The following TOX3 variants were observed in gnomAD, a reference collection of about 807,000 sequenced individuals.
The protein encoded by TOX3 is CAG trinucleotide repeat-containing gene F9 protein.
Under a neutral mutation model 64.3 loss-of-function variants are expected in TOX3, and 22 were observed. The observed-to-expected ratio is 0.34, with a 90% CI of 0.24 to 0.49. TOX3 has a LOEUF of 0.49. TOX3 is among the 20% of genes least tolerant of loss of function. TOX3 has a pLI of 0.99. For missense variants in TOX3, 661 were observed against 714.4 expected (o/e 0.93, Z 0.85); for synonymous variants, 291 against 273.6 (o/e 1.06, Z -0.63).
At chr16:52,522,316 A>T (rs2151479391) in intron 1 of TOX3, among the ~76,000 whole-genome samples, 1 of 152,328 alleles carries the variant, frequency 6.6e-6, no homozygotes, top group African/African-American at 2.4e-5. Flanking sequence ...CCAGATGCAG[A>T]CTTTAGACAG....
At chr16:52,443,207 G>T (rs1175594714) in intron 6 of TOX3, among the ~76,000 whole-genome samples, 2 of 152,144 alleles carry the variant, frequency 1.3e-5, no homozygotes, top group African/African-American at 4.8e-5. Flanking sequence ...CACACAGTCA[G>T]CTGTTTTCTG....
intron 4 of TOX3, among the ~76,000 whole-genome samples, chr16:52,446,886 G>A (rs1304710668): frequency 2.0e-5 from 3 of 152,050 alleles, no homozygotes; most frequent in African/African-American, 7.2e-5. Context: ...AAGGGAAATT[G>A]ATACTCTCCG....
At chr16:52,501,823 C>A (rs1008517388) in intron 1 of TOX3, among the ~76,000 whole-genome samples, 3 of 152,184 alleles carry the variant, frequency 2.0e-5, no homozygotes, top group Non-Finnish European at 4.4e-5. Context: ...GCCTCCCTAT[C>A]GAGAATGGTC....
At chr16:52,489,680 T>G (rs1210487865) in intron 1 of TOX3, among the ~76,000 whole-genome samples, 1 of 152,118 alleles carries the variant, frequency 6.6e-6, no homozygotes, top group Non-Finnish European at 1.5e-5. Context: ...GAGTTGCAAA[T>G]TTCTTACTCC....
intron 1 of TOX3, among the ~76,000 whole-genome samples, chr16:52,475,136 T>C (rs1961170772): frequency 2.0e-5 from 3 of 152,330 alleles, no homozygotes; most frequent in Middle Eastern, 3.4e-3. Context: ...ACTTTTTCCA[T>C]GAATAGTTTT....
rs1355007623 is a variant in TOX3, at chr16:52,446,749, A to G, written c.679-528T>C. Among the ~76,000 whole-genome samples the G allele has an allele frequency of 5.9e-5, 9 of 152,296 alleles. No individual in the cohort carries two copies. The South Asian group carries it at 1.5e-3, about 25-fold the overall frequency. ...TTTGCTAATGGCTCTCCAGAAATTC[A>G]AATGGAAGTTAGCTCCAATTTCTAT... On this transcript the variant is annotated intron_variant, in intron 4 of 6. Transcript: ENST00000219746.
intron 3 of TOX3, among the ~76,000 whole-genome samples, chr16:52,459,435 G>A (rs1960624394): frequency 6.6e-6 from 1 of 152,142 alleles, no homozygotes; most frequent in Non-Finnish European, 1.5e-5. Flanking sequence ...ATGCAGATAG[G>A]TCTTATTCCA....
At chr16:52,489,577 C>A (rs1409371997) in intron 1 of TOX3, among the ~76,000 whole-genome samples, 2 of 152,150 alleles carry the variant, frequency 1.3e-5, no homozygotes, top group African/African-American at 4.8e-5. Context: ...TGGAAAGGTT[C>A]TCAGCTTCTT....
chr16:52,546,836 A>G lies in TOX3; in HGVS notation c.-113T>C. On this transcript the variant is annotated 5_prime_UTR_variant, in exon 1 of 7. Coordinates refer to ENST00000219746, the MANE Select transcript of TOX3 (RefSeq NM_001080430.4). ...AGGGCGCCCGGGGGTGGCGCGTGGG[A>G]CTCGCGGCCGGAGGGGCGCCGGGAC... The G allele has an allele frequency of 8.0e-7, 1 of 1,243,606 alleles. No individual in the cohort carries two copies. The highest frequency in any genetic ancestry group is 1.6e-5 in the African/African-American group (1 of 63,256). The allele number at this position is 1,243,606 out of a possible 1,614,324, so 77.0% of individuals were successfully genotyped here. A position where few individuals can be genotyped will look rare whatever the true frequency, so the allele number is the denominator to read the frequency against.
At chr16:52,515,759 G>A (rs8051286) in intron 1 of TOX3, among the ~76,000 whole-genome samples, 16,626 of 152,146 alleles carry the variant, frequency 0.11, 1,163 homozygotes, top group Non-Finnish European at 0.16. Flanking sequence ...CCTTCTTTTC[G>A]TTTCTTTACT....
intron 6 of TOX3, among the ~76,000 whole-genome samples, chr16:52,440,752 CTTTTTTTTT>C (rs60615310): frequency 3.0e-5 from 2 of 66,606 alleles, no homozygotes; most frequent in Middle Eastern, 0.011. Context: ...TTCTTTCTTT[CTTTTTTTTT>C]TTTTTTTTTT....
chr16:52,544,461 C>A (rs1324901817), intron 1 of TOX3, among the ~76,000 whole-genome samples: 2 of 152,158 alleles, frequency 1.3e-5, no homozygotes, highest in East Asian at 3.8e-4. Flanking sequence ...GAAGTCAATA[C>A]AAAGATCCCT....
At chr16:52,452,881 C>T (rs1276414303) in intron 3 of TOX3, among the ~76,000 whole-genome samples, 2 of 152,178 alleles carry the variant, frequency 1.3e-5, no homozygotes, top group African/African-American at 4.8e-5. Flanking sequence ...TATCAGAACA[C>T]CACACTCCCT....
At chr16:52,530,042 G>C (rs1962817435) in intron 1 of TOX3, among the ~76,000 whole-genome samples, 1 of 152,176 alleles carries the variant, frequency 6.6e-6, no homozygotes, top group African/African-American at 2.4e-5. Flanking sequence ...TTATCTGGAT[G>C]AACGGAAGGA....
chr16:52,544,758 A>G (rs1963140362), intron 1 of TOX3, among the ~76,000 whole-genome samples: 1 of 152,218 alleles, frequency 6.6e-6, no homozygotes, highest in Non-Finnish European at 1.5e-5. Flanking sequence ...TTCTCAGAAA[A>G]TAAAAAAGAG....
intron 1 of TOX3, among the ~76,000 whole-genome samples, chr16:52,516,295 C>A (rs567081403): frequency 5.9e-5 from 9 of 152,110 alleles, no homozygotes; most frequent in African/African-American, 2.2e-4. Flanking sequence ...CTAACAAGCA[C>A]TATAAAAGAA....
intron 1 of TOX3, among the ~76,000 whole-genome samples, chr16:52,485,321 T>C (rs948119044): frequency 6.7e-6 from 1 of 149,920 alleles, no homozygotes; most frequent in Non-Finnish European, 1.5e-5. Flanking sequence ...AATGAAATCA[T>C]GTTCTTTGCA....
At chr16:52,485,920 G>A (rs896244442) in intron 1 of TOX3, among the ~76,000 whole-genome samples, 3 of 152,144 alleles carry the variant, frequency 2.0e-5, no homozygotes, top group Non-Finnish European at 4.4e-5. Context: ...GTTTGGGGCT[G>A]GCATAACTGG....
At chr16:52,441,865 T>C (rs1960001293) in intron 6 of TOX3, among the ~76,000 whole-genome samples, 2 of 152,216 alleles carry the variant, frequency 1.3e-5, no homozygotes, top group Non-Finnish European at 2.9e-5. Flanking sequence ...TGGGGCTGCA[T>C]GTTCCTGAAC....
Sources: allele counts gnomAD v4.1 joint callset (sites outside exome capture counted in the v4.1 genomes callset), GRCh38; gene constraint gnomAD v4.1.1; transcripts MANE v1.5; gene names NCBI Gene and HGNC (gene_info 2026-07-23, HGNC 2026-07-21).